TRHDE: variants seen among roughly 807,000 people sequenced by gnomAD.
The protein encoded by TRHDE is thyrotropin-releasing hormone-degrading ectoenzyme.
Under a neutral mutation model 125.7 loss-of-function variants are expected in TRHDE, and 72 were observed. That is an observed-to-expected ratio of 0.57 (90% CI 0.47 to 0.70). The LOEUF (loss-of-function observed/expected upper bound fraction) is 0.70. Among genes scored for constraint, TRHDE ranks in the 30% least tolerant of loss-of-function variants. The probability of loss-of-function intolerance (pLI) is 0.00; values close to 1 mark genes in which losing one functional copy is unlikely to be tolerated. For missense variants in TRHDE, 1,110 were observed against 1,327.1 expected (o/e 0.84, Z 2.54); for synonymous variants, 509 against 509.1 (o/e 1.00, Z 0.00).
At chr12:72,100,545 G>T (rs1386263470) in intron 1 of TRHDE, among the ~76,000 whole-genome samples, 1 of 152,192 alleles carries the variant, frequency 6.6e-6, no homozygotes, top group Non-Finnish European at 1.5e-5. Context: ...AATCACTGTG[G>T]TGTGTTTGCT....
chr12:72,597,205 T>C (rs1004037313), intron 12 of TRHDE, among the ~76,000 whole-genome samples: 5 of 152,222 alleles, frequency 3.3e-5, no homozygotes, highest in African/African-American at 1.2e-4. Context: ...AACTCACTGA[T>C]GTGAAAATAC....
intron 3 of TRHDE, among the ~76,000 whole-genome samples, chr12:72,414,245 T>C (rs1290643370): frequency 6.6e-6 from 1 of 152,076 alleles, no homozygotes; most frequent in Non-Finnish European, 1.5e-5. Context: ...GACGAGTTTT[T>C]AAGGAAGCAA....
At chr12:72,408,164 C>T (rs1321901378) in intron 3 of TRHDE, among the ~76,000 whole-genome samples, 2 of 152,162 alleles carry the variant, frequency 1.3e-5, no homozygotes, top group Admixed American at 1.3e-4. Context: ...AGAGTAACCA[C>T]TCTCAGACAA....
At chr12:72,602,389 C>T (rs1872244670) in intron 12 of TRHDE, among the ~76,000 whole-genome samples, 1 of 152,094 alleles carries the variant, frequency 6.6e-6, no homozygotes, top group Admixed American at 6.6e-5. Context: ...ATTACAGATC[C>T]TCTATAAGAC....
intron 1 of TRHDE, among the ~76,000 whole-genome samples, chr12:72,092,260 A>G (rs867349898): frequency 6.6e-6 from 1 of 152,208 alleles, no homozygotes; most frequent in Non-Finnish European, 1.5e-5. Context: ...TGGCTATGTC[A>G]TGGTTCAAAA....
intron 3 of TRHDE, among the ~76,000 whole-genome samples, chr12:72,462,436 G>A (rs1452369874): frequency 1.3e-5 from 2 of 152,174 alleles, no homozygotes; most frequent in African/African-American, 2.4e-5. Context: ...GACCAGAGCT[G>A]TTGAACCTAA....
At chr12:72,224,480 C>T (rs931457273) in intron 2 of TRHDE, among the ~76,000 whole-genome samples, 12 of 152,140 alleles carry the variant, frequency 7.9e-5, no homozygotes, top group Middle Eastern at 3.4e-3. Context: ...ACTGGACTTT[C>T]GTGACTGAAA....
At position 72,600,394 on chromosome 12, in the gene TRHDE, A is replaced by C. The variant is rs560000048; in HGVS notation, c.2322-18497A>C. Among the ~76,000 whole-genome samples, 3 of 152,194 alleles carry C rather than the reference A, an allele frequency of 2.0e-5. No individual in the cohort carries two copies. In the South Asian group the frequency reaches 6.2e-4, roughly 32 times the overall value. On this transcript the variant is annotated intron_variant, in intron 12 of 18. Coordinates refer to ENST00000261180, the MANE Select transcript of TRHDE (RefSeq NM_013381.3). Reference sequence around the variant, plus strand: ...GATTCTTCCAATGCATGAACATGGAATGTTTTTCCATTTGTTTGTATCATC... The same window carrying C: ...GATTCTTCCAATGCATGAACATGGACTGTTTTTCCATTTGTTTGTATCATC...
intron 5 of TRHDE, among the ~76,000 whole-genome samples, chr12:72,488,089 TAAGAA>T (rs1445781234): frequency 3.3e-5 from 5 of 151,600 alleles, no homozygotes; most frequent in African/African-American, 9.7e-5. Flanking sequence ...AAGTGGATAA[TAAGAA>T]AGGAAGAAAG....
intron 2 of TRHDE, among the ~76,000 whole-genome samples, chr12:72,190,560 G>T (rs1240372266): frequency 6.6e-6 from 1 of 152,130 alleles, no homozygotes; most frequent in Non-Finnish European, 1.5e-5. Context: ...GAAGATTGGT[G>T]GTAAGTAAGT....
chr12:72,529,159 A>G (rs1456327990), intron 6 of TRHDE, among the ~76,000 whole-genome samples: 1 of 152,152 alleles, frequency 6.6e-6, no homozygotes, highest in Non-Finnish European at 1.5e-5. Context: ...AGCCAAGAAG[A>G]GTAAGAAATT....
chr12:72,253,908 G>C (rs993303348), intron 2 of TRHDE: 9 of 151,952 alleles, frequency 5.9e-5, no homozygotes, highest in African/African-American at 2.2e-4. Context: ...TGTCAGTCAT[G>C]AAGTATTATA....
chr12:72,187,310 AACAC>A (rs59164233), intron 2 of TRHDE, among the ~76,000 whole-genome samples: 6,726 of 131,206 alleles, frequency 0.051, 213 homozygotes, highest in East Asian at 0.091. Flanking sequence ...AGAGAAACAC[AACAC>A]ACACACACAC....
intron 2 of TRHDE, among the ~76,000 whole-genome samples, chr12:72,316,715 G>A (rs1437154257): frequency 6.6e-6 from 1 of 152,164 alleles, no homozygotes; most frequent in Non-Finnish European, 1.5e-5. Context: ...GATGCAGGTA[G>A]CAAAGATCCC....
chr12:72,177,168 T>C (rs1485624017), intron 2 of TRHDE, among the ~76,000 whole-genome samples: 1 of 152,132 alleles, frequency 6.6e-6, no homozygotes, highest in Non-Finnish European at 1.5e-5. Context: ...ACAGATATGA[T>C]TGGAATTTGG....
At chr12:72,625,568 T>G (rs562069739) in intron 15 of TRHDE, among the ~76,000 whole-genome samples, 1 of 152,086 alleles carries the variant, frequency 6.6e-6, no homozygotes, top group South Asian at 2.1e-4. Flanking sequence ...AATTATAGCA[T>G]TACTAGTATT....
intron 2 of TRHDE, among the ~76,000 whole-genome samples, chr12:72,189,428 CT>C (rs1414008156): frequency 6.6e-6 from 1 of 152,164 alleles, no homozygotes; most frequent in Non-Finnish European, 1.5e-5. Context: ...TCCTGCTTCT[CT>C]GTATATGCAG....
chr12:72,284,233 A>C (rs1175772735), intron 1 of TRHDE, among the ~76,000 whole-genome samples: 1 of 152,166 alleles, frequency 6.6e-6, no homozygotes, highest in Non-Finnish European at 1.5e-5. Context: ...CAGATAAGAG[A>C]CACTCAACCT....
chr12:72,108,074 A>C (rs1351897), intron 2 of TRHDE, among the ~76,000 whole-genome samples: 128,247 of 152,030 alleles, frequency 0.84, 54,249 homozygotes, highest in African/African-American at 0.86. Flanking sequence ...AGGGACAGCC[A>C]GGAGAAGGCA....
Sources: allele counts gnomAD v4.1 joint callset (sites outside exome capture counted in the v4.1 genomes callset), GRCh38; gene constraint gnomAD v4.1.1; transcripts MANE v1.5; gene names NCBI Gene and HGNC (gene_info 2026-07-23, HGNC 2026-07-21).